APBB2: variants seen among roughly 807,000 people sequenced by gnomAD.
APBB2 encodes the protein Fe65-like 1.
APBB2 carries 38 observed loss-of-function variants against 82.5 expected under a neutral mutation model. That is an observed-to-expected ratio of 0.46 (90% CI 0.36 to 0.60). APBB2 has a LOEUF of 0.60. Ranked by LOEUF, APBB2 falls within the 20% of genes least tolerant of loss-of-function variation. The pLI, the probability that APBB2 is intolerant of heterozygous loss-of-function variation, is 0.00. For missense variants in APBB2, 772 were observed against 972.3 expected (o/e 0.79, Z 2.74); for synonymous variants, 341 against 368.2 (o/e 0.93, Z 0.85).
chr4:41,061,972 T>A (rs984358831), intron 4 of APBB2, among the ~76,000 whole-genome samples: 1 of 152,230 alleles, frequency 6.6e-6, no homozygotes, highest in African/African-American at 2.4e-5. Context: ...TGTTTTTTAC[T>A]GAAATCGTTT....
chr4:41,114,693 G>A (rs1750362809), intron 2 of APBB2, among the ~76,000 whole-genome samples: 1 of 152,070 alleles, frequency 6.6e-6, no homozygotes. Context: ...CGAACAGAGA[G>A]CCAAATCATA....
intron 10 of APBB2, among the ~76,000 whole-genome samples, chr4:40,908,693 C>T (rs1777734193): frequency 6.6e-6 from 1 of 152,188 alleles, no homozygotes; most frequent in Non-Finnish European, 1.5e-5. Flanking sequence ...AGAAAATAAT[C>T]CCTCAATGGG....
chr4:41,041,876 A>G (rs186166161), intron 4 of APBB2, among the ~76,000 whole-genome samples: 8 of 152,384 alleles, frequency 5.2e-5, no homozygotes, highest in Non-Finnish European at 8.8e-5. Context: ...TTCAAGATAT[A>G]ACATTAAATG....
At chr4:41,029,861 C>CA (rs1301927815) in intron 5 of APBB2, among the ~76,000 whole-genome samples, 1 of 152,018 alleles carries the variant, frequency 6.6e-6, no homozygotes, top group East Asian at 1.9e-4. Context: ...AGGCTTCCCA[C>CA]AAAAAGAAGA....
intron 10 of APBB2, among the ~76,000 whole-genome samples, chr4:40,929,606 G>A (rs1302153141): frequency 6.6e-6 from 1 of 152,070 alleles, no homozygotes; most frequent in African/African-American, 2.4e-5. Flanking sequence ...GGCCAATAAG[G>A]GGAAATTTTA....
At chr4:40,835,832 C>A (rs971034634) in intron 12 of APBB2, among the ~76,000 whole-genome samples, 1 of 152,140 alleles carries the variant, frequency 6.6e-6, no homozygotes, top group Non-Finnish European at 1.5e-5. Flanking sequence ...GAGAACAGGG[C>A]AGAGGAGACA....
intron 1 of APBB2, among the ~76,000 whole-genome samples, chr4:41,191,270 T>C (rs1395961973): frequency 2.0e-5 from 3 of 152,238 alleles, no homozygotes; most frequent in African/African-American, 7.2e-5. Flanking sequence ...CCCTTATTAA[T>C]GCCTATGTGC....
chr4:40,823,807 C>G lies in APBB2; in HGVS notation c.1817-48G>C, dbSNP rs370069332. The G allele has an allele frequency of 3.1e-6, 4 of 1,283,722 alleles. No individual in the cohort carries two copies. The Admixed American group carries it at 6.8e-5, about 22-fold the overall frequency. The allele number at this position is 1,283,722 out of a possible 1,614,324, so 79.5% of individuals were successfully genotyped here. On this transcript the variant is annotated intron_variant, in intron 15 of 17. Transcript: ENST00000508593. The stretch of plus-strand genomic sequence containing the variant: ...TAAAGTGTCCTAAAGCCACTTACCA[C>G]ACTCAAATGTGGGCCCAAATCACCA...
chr4:40,928,167 A>G (rs1042577307), intron 10 of APBB2, among the ~76,000 whole-genome samples: 7 of 152,232 alleles, frequency 4.6e-5, no homozygotes, highest in African/African-American at 1.4e-4. Context: ...AAAGTTTTAA[A>G]ACATTTTCCA....
intron 5 of APBB2, among the ~76,000 whole-genome samples, chr4:41,030,111 G>GCAC (rs1315283851): frequency 2.0e-5 from 3 of 152,060 alleles, no homozygotes; most frequent in Non-Finnish European, 4.4e-5. Flanking sequence ...AGCTGAGGTC[G>GCAC]CACCACCGCA....
intron 13 of APBB2, among the ~76,000 whole-genome samples, chr4:40,827,667 A>G (rs1750414048): frequency 6.6e-6 from 1 of 152,136 alleles, no homozygotes; most frequent in African/African-American, 2.4e-5. Context: ...TGTGACCTTG[A>G]CCTTGGGCAA....
chr4:41,009,289 T>C (rs1280399482), intron 6 of APBB2, among the ~76,000 whole-genome samples: 1 of 144,610 alleles, frequency 6.9e-6, no homozygotes, highest in Non-Finnish European at 1.5e-5. Flanking sequence ...CAACCTTTCT[T>C]TTAGAATCAG....
intron 10 of APBB2, among the ~76,000 whole-genome samples, chr4:40,916,857 AG>A (rs1375933286): frequency 1.3e-5 from 2 of 152,212 alleles, no homozygotes; most frequent in East Asian, 3.9e-4. Context: ...GTGACGGGGC[AG>A]AAGTATGCAG....
chr4:40,904,903 C>G (rs1776303257), intron 10 of APBB2, among the ~76,000 whole-genome samples: 1 of 152,058 alleles, frequency 6.6e-6, no homozygotes, highest in Non-Finnish European at 1.5e-5. Context: ...CATGAGCGCT[C>G]CAGCTGTTCC....
chr4:40,860,730 T>C (rs923005206), intron 12 of APBB2, among the ~76,000 whole-genome samples: 4 of 152,230 alleles, frequency 2.6e-5, no homozygotes, highest in African/African-American at 9.6e-5. Context: ...TTTCCTGACA[T>C]ACAGTAAGTG....
At chr4:41,053,270 C>G (rs2341851) in intron 4 of APBB2, among the ~76,000 whole-genome samples, 1 of 152,128 alleles carries the variant, frequency 6.6e-6, no homozygotes, top group Non-Finnish European at 1.5e-5. Context: ...AAACTAGAGA[C>G]GACAATTTTC....
At chr4:40,850,181 G>A (rs7654386) in intron 12 of APBB2, among the ~76,000 whole-genome samples, 16,000 of 152,194 alleles carry the variant, frequency 0.11, 1,128 homozygotes, top group Non-Finnish European at 0.15. Flanking sequence ...CTTAGATGCT[G>A]TCCTGGCTGG....
At chr4:41,100,478 ACAAAG>A (rs985814010) in intron 3 of APBB2, among the ~76,000 whole-genome samples, 156 bp downstream of exon 3, 3 of 151,796 alleles carry the variant, frequency 2.0e-5, no homozygotes, top group Admixed American at 2.0e-4. Context: ...TTTTTTTTAC[ACAAAG>A]AGGTTTCCTG....
At position 40,971,316 on chromosome 4, in the gene APBB2, T is replaced by C. The variant is rs796335798; in HGVS notation, c.836-26243A>G. On this transcript the variant is annotated intron_variant, in intron 6 of 17. Transcript: ENST00000508593. ...ATTCTCTTATCTTTCATCTCTTTCA[T>C]TAATTTTTTTACAAGTAATTTCCTC... 2.0e-5 allele frequency among the ~76,000 whole-genome samples: 3 copies of C among 152,346 alleles called. No homozygotes were observed. In the South Asian group the frequency reaches 6.2e-4, roughly 32 times the overall value.
Sources: gnomAD v4.1 joint callset for allele counts (sites outside exome capture counted in the v4.1 genomes callset) on GRCh38, gnomAD v4.1.1 for gene constraint, MANE v1.5 for transcripts, NCBI Gene and HGNC (gene_info 2026-07-23, HGNC 2026-07-21) for gene names.